MIS18A: variants seen among roughly 807,000 people sequenced by gnomAD.
MIS18A encodes the protein MIS18 kinetochore protein A, also known as protein Mis18-alpha.
In MIS18A, 14 loss-of-function variants were observed where a neutral mutation model predicts 25.0. That is an observed-to-expected ratio of 0.56 (90% CI 0.37 to 0.88). The LOEUF (loss-of-function observed/expected upper bound fraction) is 0.88. MIS18A is among the 40% of genes least tolerant of loss of function. The pLI, the probability that MIS18A is intolerant of heterozygous loss-of-function variation, is 0.00. For missense variants in MIS18A, 292 were observed against 290.8 expected (o/e 1.00, Z -0.03); for synonymous variants, 134 against 118.6 (o/e 1.13, Z -0.84).
the MIS18A span, among the ~76,000 whole-genome samples, chr21:32,248,601 G>C: frequency 1.3e-5 from 2 of 152,190 alleles, no homozygotes; most frequent in Admixed American, 6.5e-5. Flanking sequence ...GAATTCATTC[G>C]TCTCGCTACC....
At chr21:32,155,201 A>C in the MIS18A span, among the ~76,000 whole-genome samples, 1 of 152,168 alleles carries the variant, frequency 6.6e-6, no homozygotes, top group South Asian at 2.1e-4. Flanking sequence ...GACAAATAAT[A>C]GTTTAGAAGA....
At chr21:32,246,731 T>C in the MIS18A span, among the ~76,000 whole-genome samples, 5 of 152,114 alleles carry the variant, frequency 3.3e-5, no homozygotes, top group Admixed American at 1.3e-4. Flanking sequence ...GCCTTCTCTT[T>C]CAGTCACTGG....
chr21:32,259,594 G>C, the MIS18A span, among the ~76,000 whole-genome samples: 3 of 152,166 alleles, frequency 2.0e-5, no homozygotes. Context: ...TTTCTTTCTT[G>C]ATCACTGAAA....
At chr21:32,245,361 C>T in the MIS18A span, among the ~76,000 whole-genome samples, 1 of 152,348 alleles carries the variant, frequency 6.6e-6, no homozygotes, top group African/African-American at 2.4e-5. Context: ...GAAATGTCAA[C>T]ATCCCTGCTC....
At chr21:32,269,937 C>T (rs1347298348) in intron 3 of MIS18A, 134 bp from the exon 4 acceptor site, 8 of 619,964 alleles carry the variant, frequency 1.3e-5, no homozygotes, top group Middle Eastern at 4.2e-4. Context: ...CACAAGACCC[C>T]GGGCAATATG....
downstream of MIS18A, among the ~76,000 whole-genome samples, chr21:32,268,025 T>G (rs563563066): frequency 1.3e-5 from 2 of 152,200 alleles, no homozygotes; most frequent in East Asian, 3.9e-4. Context: ...GAGCAAACGC[T>G]GAGTTACTCA....
At chr21:32,247,922 C>T in the MIS18A span, among the ~76,000 whole-genome samples, 1 of 152,202 alleles carries the variant, frequency 6.6e-6, no homozygotes, top group Admixed American at 6.5e-5. Context: ...GGCTTCCAGG[C>T]TGGGAGCCTG....
At chr21:32,248,179 G>A in the MIS18A span, among the ~76,000 whole-genome samples, 1 of 152,172 alleles carries the variant, frequency 6.6e-6, no homozygotes, top group Admixed American at 6.5e-5. Context: ...TCCCTTTCTT[G>A]GTTATGTTTG....
At chr21:32,270,276 AT>A in intron 3 of MIS18A, 130 bp downstream of exon 3, 1 of 1,172,236 alleles carries the variant, frequency 8.5e-7, no homozygotes, top group Non-Finnish European at 1.2e-6. Context: ...AAAAAAAAAA[AT>A]TACTGGCTTG....
In MIS18A at chr21:32,272,505, G is replaced by GA. The variant is rs1368783342; in HGVS notation, c.402-1977dup. Among the ~76,000 whole-genome samples, 6 of 152,266 alleles carry GA rather than the reference G, an allele frequency of 3.9e-5. No individual in the cohort carries two copies. The South Asian group carries it at 1.0e-3, about 26-fold the overall frequency. On this transcript the variant is annotated intron_variant, in intron 2 of 4. Coordinates refer to ENST00000290130, the MANE Select transcript of MIS18A (RefSeq NM_018944.3). The stretch of plus-strand genomic sequence containing the variant: ...GTGAATTCTCTATCAATCCTGATTA[G>GA]AAAAAAGAAGAAAGTCTCGGTTTGG...
At chr21:32,273,273 TTTTA>T (rs2031747753) in intron 2 of MIS18A, among the ~76,000 whole-genome samples, 1 of 151,540 alleles carries the variant, frequency 6.6e-6, no homozygotes, top group Admixed American at 6.6e-5. Flanking sequence ...TTTTTGGAGG[TTTTA>T]TAACACAGGC....
the MIS18A span, among the ~76,000 whole-genome samples, chr21:32,240,862 TC>T: frequency 6.6e-6 from 1 of 152,142 alleles, no homozygotes; most frequent in East Asian, 1.9e-4. Flanking sequence ...TGCATCCCTC[TC>T]CCTTGGATTC....
In MIS18A at chr21:32,278,325, C is replaced by G. The variant is rs1158288222; in HGVS notation, c.334+356G>C. ...CTAATTTCTATGGGGAGTAATAGTA[C>G]TGGCTGCACCTCAAGTGCTTACAGT... On this transcript the variant is annotated intron_variant, in intron 1 of 4. Coordinates refer to ENST00000290130, the MANE Select transcript of MIS18A (RefSeq NM_018944.3). 5 of 273,772 alleles carry G rather than the reference C, an allele frequency of 1.8e-5. No individual in the cohort carries two copies. In the East Asian group the frequency reaches 4.1e-4, roughly 22 times the overall value. 17.0% of individuals were successfully genotyped at this position (273,772 alleles called of 1,614,324 possible).
chr21:32,222,302 G>C, the MIS18A span, among the ~76,000 whole-genome samples: 1 of 152,160 alleles, frequency 6.6e-6, no homozygotes, highest in Non-Finnish European at 1.5e-5. Context: ...CAAGTTTTTA[G>C]AGACCTACAA....
the MIS18A span, among the ~76,000 whole-genome samples, chr21:32,180,317 A>G: frequency 2.0e-5 from 3 of 152,136 alleles, no homozygotes; most frequent in Admixed American, 6.5e-5. Context: ...CATCCAAAAA[A>G]CAGGACAGCA....
At chr21:32,187,360 T>C in the MIS18A span, among the ~76,000 whole-genome samples, 1 of 152,170 alleles carries the variant, frequency 6.6e-6, no homozygotes, top group Non-Finnish European at 1.5e-5. Flanking sequence ...GCAGACTGAT[T>C]GTGGATGATT....
the MIS18A span, among the ~76,000 whole-genome samples, chr21:32,241,804 C>T: frequency 4.6e-5 from 7 of 152,302 alleles, no homozygotes; most frequent in South Asian, 1.2e-3. Context: ...ATTTTCTTGT[C>T]CCACAGAAGA....
chr21:32,187,437 C>G, the MIS18A span, among the ~76,000 whole-genome samples: 5 of 152,094 alleles, frequency 3.3e-5, no homozygotes, highest in Non-Finnish European at 7.4e-5. Flanking sequence ...GTTTGGGGTT[C>G]AGCTGCATGA....
the MIS18A span, among the ~76,000 whole-genome samples, chr21:32,246,352 C>T: frequency 6.6e-6 from 1 of 152,144 alleles, no homozygotes; most frequent in African/African-American, 2.4e-5. Context: ...CCTGGGACTG[C>T]ACACGCCCTT....
Sources: gnomAD v4.1 joint callset for allele counts (sites outside exome capture counted in the v4.1 genomes callset) on GRCh38, gnomAD v4.1.1 for gene constraint, MANE v1.5 for transcripts, NCBI Gene and HGNC (gene_info 2026-07-23, HGNC 2026-07-21) for gene names.